CCSER1: variants seen among roughly 807,000 people sequenced by gnomAD.
CCSER1 encodes serine-rich coiled-coil domain-containing protein 1.
CCSER1 carries 41 observed loss-of-function variants against 82.0 expected under a neutral mutation model. That is an observed-to-expected ratio of 0.50 (90% confidence interval 0.39 to 0.65). The LOEUF (loss-of-function observed/expected upper bound fraction) is 0.65. Among genes scored for constraint, CCSER1 ranks in the 30% least tolerant of loss-of-function variants. The pLI, the probability that CCSER1 is intolerant of heterozygous loss-of-function variation, is 0.00. For missense variants in CCSER1, 1,119 were observed against 1,064.2 expected (o/e 1.05, Z -0.72); for synonymous variants, 414 against 383.9 (o/e 1.08, Z -0.92).
At chr4:90,400,182 C>T (rs1292655356) in intron 4 of CCSER1, 53 bp downstream of exon 4, 3 of 955,110 alleles carry the variant, frequency 3.1e-6, no homozygotes, top group East Asian at 2.5e-5. Flanking sequence ...TGGTCAGTAG[C>T]TTTCACTGAT....
At chr4:91,177,206 C>T (rs1046930958) in intron 10 of CCSER1, among the ~76,000 whole-genome samples, 63 of 152,284 alleles carry the variant, frequency 4.1e-4, no homozygotes, top group Non-Finnish European at 8.7e-4. Context: ...TGATGTGCTG[C>T]TGGATTCGGT....
intron 5 of CCSER1, among the ~76,000 whole-genome samples, chr4:90,515,282 T>C (rs1171836071): frequency 6.6e-6 from 1 of 152,238 alleles, no homozygotes; most frequent in Non-Finnish European, 1.5e-5. Flanking sequence ...TCTTGTTGAT[T>C]ATAGTTTTTG....
chr4:90,227,778 G>A (rs1308910619), intron 1 of CCSER1, among the ~76,000 whole-genome samples: 2 of 152,220 alleles, frequency 1.3e-5, no homozygotes, highest in African/African-American at 4.8e-5. Context: ...CCATGCACGA[G>A]CCGAAGCAGG....
chr4:91,183,533 C>T (rs758794838), intron 10 of CCSER1, among the ~76,000 whole-genome samples: 7 of 152,090 alleles, frequency 4.6e-5, no homozygotes, highest in South Asian at 2.1e-4. Flanking sequence ...TTTATGCCTT[C>T]GTGAGAGGGA....
chr4:91,037,567 T>C (rs1340813249), intron 9 of CCSER1, among the ~76,000 whole-genome samples: 1 of 138,310 alleles, frequency 7.2e-6, no homozygotes, highest in African/African-American at 2.6e-5. Flanking sequence ...CACCTTGTTA[T>C]AGATATTTCT....
chr4:91,467,179 C>T (rs1756964176), intron 10 of CCSER1, among the ~76,000 whole-genome samples: 1 of 152,098 alleles, frequency 6.6e-6, no homozygotes, highest in African/African-American at 2.4e-5. Flanking sequence ...TGGAACAGAA[C>T]AGAGCCCTCA....
At chr4:91,081,402 G>A (rs1722722992) in intron 9 of CCSER1, among the ~76,000 whole-genome samples, 1 of 152,100 alleles carries the variant, frequency 6.6e-6, no homozygotes, top group African/African-American at 2.4e-5. Flanking sequence ...AGGTATTCAT[G>A]GGACATATCT....
chr4:91,522,886 C>A (rs990888627), intron 10 of CCSER1, among the ~76,000 whole-genome samples: 3 of 151,990 alleles, frequency 2.0e-5, no homozygotes, highest in African/African-American at 7.3e-5. Context: ...GTCTGATTGC[C>A]CTGGCCAGAA....
At chr4:90,852,465 G>A (rs889138686) in intron 8 of CCSER1, among the ~76,000 whole-genome samples, 5 of 152,202 alleles carry the variant, frequency 3.3e-5, no homozygotes, top group Admixed American at 6.5e-5. Context: ...GTCATGCACT[G>A]CAAGCCATGG....
chr4:91,096,318 G>A (rs754189921), intron 10 of CCSER1, among the ~76,000 whole-genome samples: 2 of 152,272 alleles, frequency 1.3e-5, no homozygotes, highest in Middle Eastern at 3.4e-3. Flanking sequence ...ACTTGGTAAA[G>A]GTGGGGCACT....
At chr4:91,442,090 A>G (rs541990500) in intron 10 of CCSER1, among the ~76,000 whole-genome samples, 1 of 152,164 alleles carries the variant, frequency 6.6e-6, no homozygotes, top group African/African-American at 2.4e-5. Context: ...CAAGCTACCA[A>G]TGACTTTCTT....
chr4:90,264,817 A>G (rs1724960660), intron 1 of CCSER1, among the ~76,000 whole-genome samples: 1 of 152,082 alleles, frequency 6.6e-6, no homozygotes, highest in Non-Finnish European at 1.5e-5. Flanking sequence ...CTTGATGATT[A>G]TGAAGTGATT....
At chr4:91,110,952 C>A (rs898286773) in intron 10 of CCSER1, among the ~76,000 whole-genome samples, 1 of 151,676 alleles carries the variant, frequency 6.6e-6, no homozygotes, top group Non-Finnish European at 1.5e-5. Context: ...CCCATAATAT[C>A]CTACTTAAAT....
intron 6 of CCSER1, among the ~76,000 whole-genome samples, chr4:90,683,925 T>G (rs988743034): frequency 2.0e-5 from 3 of 152,140 alleles, no homozygotes; most frequent in African/African-American, 7.2e-5. Context: ...TTTTTCAATC[T>G]TCTCCTCTAA....
chr4:91,524,215 T>A (rs1760656897), intron 10 of CCSER1, among the ~76,000 whole-genome samples: 1 of 152,176 alleles, frequency 6.6e-6, no homozygotes, highest in African/African-American at 2.4e-5. Context: ...AAATTTTAAG[T>A]ATTTCTGTGA....
intron 10 of CCSER1, among the ~76,000 whole-genome samples, chr4:91,196,551 C>G (rs947177172): frequency 6.6e-6 from 1 of 152,030 alleles, no homozygotes; most frequent in African/African-American, 2.4e-5. Context: ...TCATGACAAC[C>G]CCCCTGCCCA....
intron 10 of CCSER1, among the ~76,000 whole-genome samples, chr4:91,435,138 T>A (rs1236453472): frequency 6.6e-6 from 1 of 152,210 alleles, no homozygotes; most frequent in Non-Finnish European, 1.5e-5. Context: ...TGGTATTTCA[T>A]GTATAACAAA....
chr4:91,599,218 T>G lies in CCSER1; in HGVS notation c.*161T>G, dbSNP rs1011086474. Reference sequence around the variant, plus strand: ...TTAGTCATAAACAAAGACTTGTGGGTTTTTTTTTTCCAAGAGTGAAAGTTT... The same window carrying G: ...TTAGTCATAAACAAAGACTTGTGGGGTTTTTTTTTCCAAGAGTGAAAGTTT... On this transcript the variant is annotated 3_prime_UTR_variant, in exon 11 of 11. Transcript: ENST00000509176. 3.0e-5 allele frequency: 23 copies of G among 779,146 alleles called. No homozygotes were observed. The highest frequency in any genetic ancestry group is 2.5e-4 in the South Asian group (8 of 32,400). 48.3% of individuals were successfully genotyped at this position (779,146 alleles called of 1,614,324 possible).
intron 10 of CCSER1, among the ~76,000 whole-genome samples, chr4:91,245,168 A>G (rs1356754876): frequency 1.3e-5 from 2 of 152,188 alleles, no homozygotes; most frequent in African/African-American, 2.4e-5. Flanking sequence ...AAACAGGCAA[A>G]TGTAAGAGTA....
Sources: gnomAD v4.1 joint callset for allele counts (sites outside exome capture counted in the v4.1 genomes callset) on GRCh38, gnomAD v4.1.1 for gene constraint, MANE v1.5 for transcripts, NCBI Gene and HGNC (gene_info 2026-07-23, HGNC 2026-07-21) for gene names.